GRM5: variants seen among roughly 807,000 people sequenced by gnomAD.
GRM5 encodes glutamate metabotropic receptor 5.
In GRM5, 19 loss-of-function variants were observed where a neutral mutation model predicts 83.1. That is an observed-to-expected ratio of 0.23 (90% CI 0.16 to 0.34). The LOEUF (loss-of-function observed/expected upper bound fraction) is 0.34, where lower values mean the gene tolerates loss of function less well. GRM5 is among the 10% of genes least tolerant of loss of function. GRM5 has a pLI of 1.00. For synonymous variants in GRM5, 675 were observed against 633.6 expected (o/e 1.07, Z -0.98); for missense variants, 1,160 against 1,588.3 (o/e 0.73, Z 4.58).
chr11:88,874,988 T>A (rs371440731), intron 2 of GRM5, among the ~76,000 whole-genome samples: 1 of 151,936 alleles, frequency 6.6e-6, no homozygotes, highest in Non-Finnish European at 1.5e-5. Context: ...TTGATACTGA[T>A]GGCTACTGAT....
At chr11:89,022,909 G>T (rs1685001981) in intron 2 of GRM5, among the ~76,000 whole-genome samples, 1 of 152,134 alleles carries the variant, frequency 6.6e-6, no homozygotes, top group South Asian at 2.1e-4. Context: ...GAAAATGTAG[G>T]AGCAAATGCT....
intron 7 of GRM5, among the ~76,000 whole-genome samples, chr11:88,584,421 C>CTTTCT (rs910104933): frequency 2.8e-4 from 42 of 151,726 alleles, no homozygotes; most frequent in African/African-American, 8.2e-4. Context: ...ATTGCATTTT[C>CTTTCT]TTTCTTTTCT....
intron 3 of GRM5, among the ~76,000 whole-genome samples, chr11:88,693,096 T>G (rs1591444417): frequency 6.6e-6 from 1 of 152,110 alleles, no homozygotes; most frequent in East Asian, 1.9e-4. Context: ...AAAAAAAGTT[T>G]AAAGCTATAC....
chr11:88,571,160 C>G (rs994518483), intron 7 of GRM5, among the ~76,000 whole-genome samples: 6 of 152,084 alleles, frequency 3.9e-5, no homozygotes, highest in African/African-American at 1.4e-4. Flanking sequence ...TTTCTAAATA[C>G]TTTGCATAGA....
intron 2 of GRM5, among the ~76,000 whole-genome samples, chr11:88,868,183 T>G (rs1216248291): frequency 2.0e-5 from 3 of 151,854 alleles, no homozygotes; most frequent in Non-Finnish European, 2.9e-5. Context: ...CTCAACAAAA[T>G]TTAGTTTCTG....
chr11:88,814,862 G>A (rs568799730), intron 3 of GRM5, among the ~76,000 whole-genome samples: 1 of 152,092 alleles, frequency 6.6e-6, no homozygotes, highest in Non-Finnish European at 1.5e-5. Context: ...ATGGATCAAA[G>A]TGTCAATTCA....
At chr11:88,665,736 A>C (rs72643303) in intron 3 of GRM5, among the ~76,000 whole-genome samples, 3,144 of 152,100 alleles carry the variant, frequency 0.021, 86 homozygotes, top group East Asian at 0.12. Flanking sequence ...TTTTCCTGTG[A>C]TAGATTAGGC....
chr11:88,941,173 A>C (rs1218736590), intron 2 of GRM5, among the ~76,000 whole-genome samples: 2 of 151,804 alleles, frequency 1.3e-5, no homozygotes, highest in Non-Finnish European at 2.9e-5. Context: ...ATAAAAGTAC[A>C]AGGTGAGCCT....
intron 2 of GRM5, among the ~76,000 whole-genome samples, chr11:88,902,805 G>C (rs1945333762): frequency 6.6e-6 from 1 of 152,002 alleles, no homozygotes; most frequent in Middle Eastern, 3.4e-3. Context: ...ACAAAAATTA[G>C]CCAGGCATGG....
intron 6 of GRM5, among the ~76,000 whole-genome samples, chr11:88,592,977 T>G (rs1937680476): frequency 6.6e-6 from 1 of 152,020 alleles, no homozygotes; most frequent in South Asian, 2.1e-4. Context: ...CCATGCCCAA[T>G]TATTTTTGTT....
chr11:88,541,615 C>A (rs980004791), intron 8 of GRM5, among the ~76,000 whole-genome samples: 1 of 152,150 alleles, frequency 6.6e-6, no homozygotes, highest in African/African-American at 2.4e-5. Flanking sequence ...AGTTAATTAA[C>A]ATGGATTTTA....
chr11:88,595,628 A>C (rs1164690310), intron 6 of GRM5, among the ~76,000 whole-genome samples: 3 of 152,130 alleles, frequency 2.0e-5, no homozygotes, highest in African/African-American at 7.2e-5. Flanking sequence ...GATAAACTAC[A>C]TTTTCCTTAT....
At chr11:88,680,180 A>T (rs1940442773) in intron 3 of GRM5, among the ~76,000 whole-genome samples, 1 of 152,162 alleles carries the variant, frequency 6.6e-6, no homozygotes, top group East Asian at 1.9e-4. Context: ...TGCTGCACCC[A>T]ATAACTTACT....
intron 7 of GRM5, among the ~76,000 whole-genome samples, chr11:88,574,198 A>G (rs1481480599): frequency 6.6e-6 from 1 of 152,188 alleles, no homozygotes; most frequent in Non-Finnish European, 1.5e-5. Flanking sequence ...CCTCACTCAT[A>G]TGGTTAATAT....
chr11:88,543,501 C>T (rs1942317623), intron 8 of GRM5, among the ~76,000 whole-genome samples: 1 of 146,336 alleles, frequency 6.8e-6, no homozygotes, highest in South Asian at 2.2e-4. Context: ...TGGCAAGACT[C>T]AATAATAAAA....
chr11:88,778,539 C>G (rs1942907889), intron 3 of GRM5, among the ~76,000 whole-genome samples: 1 of 152,138 alleles, frequency 6.6e-6, no homozygotes. Flanking sequence ...CTGCATCGAT[C>G]ACATTAGGAG....
At chr11:88,588,702 G>A (rs1008081319) in intron 7 of GRM5, among the ~76,000 whole-genome samples, 2 of 151,944 alleles carry the variant, frequency 1.3e-5, no homozygotes, top group Non-Finnish European at 2.9e-5. Flanking sequence ...TTTAAATTAC[G>A]ACCTCTCGGA....
At chr11:88,708,042 T>A (rs1276068685) in intron 3 of GRM5, among the ~76,000 whole-genome samples, 3 of 152,106 alleles carry the variant, frequency 2.0e-5, no homozygotes, top group Non-Finnish European at 4.4e-5. Context: ...TTCTTTATAT[T>A]CCATATTTGA....
intron 2 of GRM5, among the ~76,000 whole-genome samples, chr11:88,902,817 G>T (rs1945334049): frequency 1.3e-5 from 2 of 151,884 alleles, no homozygotes; most frequent in Admixed American, 6.6e-5. Context: ...CAGGCATGGT[G>T]GTATGCGCCT....
Sources: allele counts gnomAD v4.1 joint callset (sites outside exome capture counted in the v4.1 genomes callset), GRCh38; gene constraint gnomAD v4.1.1; transcripts MANE v1.5; gene names NCBI Gene and HGNC (gene_info 2026-07-23, HGNC 2026-07-21).